PHC2: variants seen among roughly 807,000 people sequenced by gnomAD.
The protein encoded by PHC2 is polyhomeotic-like protein 2.
In PHC2, 29 loss-of-function variants were observed where a neutral mutation model predicts 87.4. That is an observed-to-expected ratio of 0.33 (90% CI 0.25 to 0.45). The LOEUF (loss-of-function observed/expected upper bound fraction) is 0.45, where lower values mean the gene tolerates loss of function less well. Ranked by LOEUF, PHC2 falls within the 20% of genes least tolerant of loss-of-function variation. The pLI is 1.00. For synonymous variants in PHC2, 438 were observed against 461.7 expected (o/e 0.95, Z 0.66); for missense variants, 857 against 1,136.7 (o/e 0.75, Z 3.54).
At chr1:33,326,061 A>G in intron 14 of PHC2, 3 of 351,116 alleles carry the variant, frequency 8.5e-6, no homozygotes, top group Non-Finnish European at 1.7e-5. Flanking sequence ...GGTAGCAGAA[A>G]TGTAAGTTGA....
intron 9 of PHC2, chr1:33,346,651 T>G: frequency 1.0e-6 from 1 of 985,384 alleles, no homozygotes; most frequent in Non-Finnish European, 1.2e-6. Context: ...TTCCCTAGGT[T>G]TTTTAAACTT....
chr1:33,423,084 T>C (rs770024823), intron 1 of PHC2, among the ~76,000 whole-genome samples: 1 of 151,928 alleles, frequency 6.6e-6, no homozygotes, highest in Non-Finnish European at 1.5e-5. Flanking sequence ...AGCTCATGAG[T>C]GGCAGAGGCA....
At chr1:33,354,168 G>A (rs1647023657) in intron 9 of PHC2, among the ~76,000 whole-genome samples, 1 of 152,168 alleles carries the variant, frequency 6.6e-6, no homozygotes, top group Non-Finnish European at 1.5e-5. Flanking sequence ...CCCAGTGTCT[G>A]GCTCTAGAAC....
intron 9 of PHC2, among the ~76,000 whole-genome samples, chr1:33,352,211 G>A (rs150828234): frequency 8.1e-4 from 123 of 152,286 alleles, no homozygotes; most frequent in Non-Finnish European, 1.4e-3. Flanking sequence ...CCACTGTTGC[G>A]GAGACAGGGC....
At chr1:33,429,594 GCATTCACATCTATTATGC>G (rs1650816793) in intron 1 of PHC2, among the ~76,000 whole-genome samples, 2 of 152,144 alleles carry the variant, frequency 1.3e-5, no homozygotes, top group Non-Finnish European at 1.5e-5. Flanking sequence ...AAAGCCCTTT[GCATTCACATCTATTATGC>G]TGTTAATCAC....
intron 1 of PHC2, among the ~76,000 whole-genome samples, chr1:33,424,238 C>T (rs4653133): frequency 0.15 from 22,057 of 152,036 alleles, 2,922 homozygotes; most frequent in African/African-American, 0.36. Flanking sequence ...TTCCTTAAAA[C>T]GAACGGGTGC....
intron 9 of PHC2, among the ~76,000 whole-genome samples, chr1:33,352,336 G>A (rs938397445): frequency 6.6e-6 from 1 of 152,126 alleles, no homozygotes; most frequent in Non-Finnish European, 1.5e-5. Context: ...TTAGTATAAT[G>A]AATAGCAGAA....
Position 33,368,495 on chromosome 1 carries a change from GTGCC to G in PHC2, c.663+37_663+40del. On this transcript the variant is annotated intron_variant, in intron 6 of 14. Coordinates refer to ENST00000683057, the MANE Select transcript of PHC2 (RefSeq NM_001385109.1). The surrounding 1 kb of genome is among the most constrained non-coding windows in gnomAD (Gnocchi z 6.6). ...CCAGTATCAGTGCCCCTCTACAGGGGTGCCCACCCCCCTGCCCTCCCACAAGCAT... is the reference window on the plus strand; with the variant it reads ...CCAGTATCAGTGCCCCTCTACAGGGGCACCCCCCTGCCCTCCCACAAGCAT... 6 of 1,112,952 alleles carry G rather than the reference GTGCC, an allele frequency of 5.4e-6. No homozygotes were observed. The highest frequency in any genetic ancestry group is 7.7e-6 in the Non-Finnish European group (6 of 775,374). The allele number at this position is 1,112,952 out of a possible 1,614,324, so 68.9% of individuals were successfully genotyped here. A position where few individuals can be genotyped will look rare whatever the true frequency, so the allele number is the denominator to read the frequency against.
intron 7 of PHC2, among the ~76,000 whole-genome samples, chr1:33,361,922 C>T (rs1165162943): frequency 6.6e-6 from 1 of 152,214 alleles, no homozygotes; most frequent in Non-Finnish European, 1.5e-5. Flanking sequence ...AATATAATCA[C>T]CTCTGTTTTA....
chr1:33,364,876 C>A lies in PHC2; in HGVS notation c.976+2240G>T, dbSNP rs2148313534. Among the ~76,000 whole-genome samples the A allele has an allele frequency of 6.6e-6, 1 of 152,328 alleles. No individual in the cohort carries two copies. The highest frequency in any genetic ancestry group is 3.4e-3 in the Middle Eastern group (1 of 294). On this transcript the variant is annotated intron_variant, in intron 7 of 14. Coordinates refer to ENST00000683057, the MANE Select transcript of PHC2 (RefSeq NM_001385109.1). This position sits in a 1 kb window ranked among gnomAD's most constrained non-coding sequence, Gnocchi z 4.1. Reference sequence around the variant, plus strand: ...CTAGCCAGGCACTGTTAGCCTTAGGCCCTCGGGCCTCAAGCCTGTCACCTG... The same window carrying A: ...CTAGCCAGGCACTGTTAGCCTTAGGACCTCGGGCCTCAAGCCTGTCACCTG...
intron 7 of PHC2, chr1:33,363,897 C>T: frequency 2.0e-6 from 2 of 985,278 alleles, no homozygotes; most frequent in Non-Finnish European, 2.4e-6. Context: ...TTCTGCCCTC[C>T]ATTGCTCAGT....
intron 1 of PHC2, among the ~76,000 whole-genome samples, chr1:33,417,492 A>G (rs1650259726): frequency 6.6e-6 from 1 of 151,276 alleles, no homozygotes; most frequent in Non-Finnish European, 1.5e-5. Context: ...TTATATCAAT[A>G]TCAGACAAAA....
chr1:33,367,296 C>T lies in PHC2; in HGVS notation c.796G>A (p.Ala266Thr), dbSNP rs1444801339. The T allele has an allele frequency of 1.2e-6, 2 of 1,613,898 alleles. No homozygotes were observed. The highest frequency in any genetic ancestry group is 1.7e-5 in the Admixed American group (1 of 60,016). The change falls in exon 7 of 15, where the codon GCA (alanine) becomes ACA (threonine). Residue 266 changes from alanine to threonine, a missense_variant. By Grantham distance (58) the Ala-to-Thr change is moderately conservative. This residue lies in a region of PHC2 where 832 missense variants were observed against 1,081.8 expected (regional missense o/e 0.77). Transcript: ENST00000683057. ...PGGSQPLPTP[A>T]QSRNTAQASP... ...GCCTGAGCAGTATTTCTGCTCTGTG[C>T]TGGGGTAGGCAGAGGCTGGCTACCG... is the stretch of plus-strand genomic sequence containing the variant.
chr1:33,399,361 C>T (rs916155743), intron 1 of PHC2, among the ~76,000 whole-genome samples: 3 of 152,204 alleles, frequency 2.0e-5, no homozygotes, highest in African/African-American at 7.2e-5. Context: ...ATTATAGTCA[C>T]ATTATCATTA....
rs1161138380 is a variant in PHC2 at position 33,331,689 on chromosome 1, G to A, written c.1892-227C>T. The A allele has an allele frequency of 2.2e-6, 1 of 454,760 alleles. No homozygotes were observed. Among genetic ancestry groups the A allele is most frequent in the Non-Finnish European group, 3.9e-6 (1 of 256,340 alleles). The allele number at this position is 454,760 out of a possible 1,614,324, so 28.2% of individuals were successfully genotyped here. On this transcript the variant is annotated intron_variant, in intron 11 of 14. Coordinates refer to ENST00000683057, the MANE Select transcript of PHC2 (RefSeq NM_001385109.1). The surrounding 1 kb of genome is among the most constrained non-coding windows in gnomAD (Gnocchi z 5.2). The stretch of plus-strand genomic sequence containing the variant: ...TAGACTTGACATTTTTTTCTTCCAC[G>A]TGGTCTGAGTCTGAGGCAAAACACA...
At chr1:33,378,869 T>C (rs1426218477) in intron 1 of PHC2, among the ~76,000 whole-genome samples, 1 of 151,988 alleles carries the variant, frequency 6.6e-6, no homozygotes, top group Non-Finnish European at 1.5e-5. Flanking sequence ...TTGTAGAGTA[T>C]ACCCATTTAA....
rs576855965 is a variant in PHC2, at chr1:33,341,606, C to T, written c.1559-7314G>A. 5.9e-5 allele frequency among the ~76,000 whole-genome samples: 9 copies of T among 152,312 alleles called. No individual in the cohort carries two copies. In the East Asian group the frequency reaches 1.2e-3, roughly 20 times the overall value. On this transcript the variant is annotated intron_variant, in intron 9 of 14. Transcript: ENST00000683057. ...AATATATACCTTCAGGAGGGCAAAA[C>T]ATGCTATTATTTAATATCATGTTAC...
Position 33,367,181 on chromosome 1 carries a change from A to G in PHC2, c.911T>C (p.Met304Thr), listed in dbSNP as rs141081946. Residue 304 changes from methionine (M) to threonine (T), a missense_variant, in exon 7 of 15, where the codon ATG becomes ACG. Met to Thr is a moderately conservative substitution (Grantham distance 81). Transcript: ENST00000683057. ...CCGGCTGAGCCCAGCCCGGCCTTCC[A>G]TGCTCCCTGGCACACTGCTGTTGCC... ...GDGNSSVPGS[M>T]EGRAGLSRTV... 228 of 1,614,056 alleles carry G rather than the reference A, an allele frequency of 1.4e-4. No individual in the cohort carries two copies. Among genetic ancestry groups the G allele is most frequent in the Non-Finnish European group, 1.8e-4 (218 of 1,180,034 alleles).
At chr1:33,367,529 G>C in intron 6 of PHC2, 101 bp from the exon 7 acceptor site, 1 of 910,008 alleles carries the variant, frequency 1.1e-6, no homozygotes, top group East Asian at 2.5e-5. Flanking sequence ...TGGCTGAATA[G>C]AACAGGAGGT....
Sources: allele counts gnomAD v4.1 joint callset (sites outside exome capture counted in the v4.1 genomes callset), GRCh38; gene constraint gnomAD v4.1.1; regional missense constraint gnomAD v4.1.1; non-coding constraint Gnocchi (gnomAD v3.1); transcripts MANE v1.5; gene names NCBI Gene and HGNC (gene_info 2026-07-23, HGNC 2026-07-21).